The following SNX29 variants were observed in gnomAD, a reference collection of about 807,000 sequenced individuals.
SNX29 encodes the protein sorting nexin-29.
In SNX29, 78 loss-of-function variants were observed where a neutral mutation model predicts 102.1. The observed-to-expected ratio is 0.76, with a 90% CI of 0.64 to 0.92. SNX29 has a LOEUF of 0.92. SNX29 is among the 40% of genes least tolerant of loss of function. SNX29 has a pLI of 0.00. For synonymous variants in SNX29, 580 were observed against 414.5 expected, an observed-to-expected ratio of 1.40 and a Z score of -4.85; for missense variants, 1,280 against 1,061.7, an observed-to-expected ratio of 1.21 and a Z score of -2.86.
intron 14 of SNX29, among the ~76,000 whole-genome samples, 163 bp downstream of exon 14, chr16:12,199,846 A>T (rs925764825): frequency 5.3e-5 from 8 of 152,252 alleles, no homozygotes; most frequent in Non-Finnish European, 1.2e-4. Flanking sequence ...GGAAAACCTG[A>T]TGCGTATCCC....
At chr16:12,051,135 C>T (rs1166416589) in intron 7 of SNX29, among the ~76,000 whole-genome samples, 1 of 152,080 alleles carries the variant, frequency 6.6e-6, no homozygotes, top group African/African-American at 2.4e-5. Flanking sequence ...TTGAGACTAG[C>T]CTGGGCAGCA....
chr16:12,139,675 C>G (rs1034578641), intron 13 of SNX29, among the ~76,000 whole-genome samples: 4 of 152,112 alleles, frequency 2.6e-5, no homozygotes, highest in East Asian at 1.9e-4. Flanking sequence ...GGAAGCCCCT[C>G]AGCCATTCAT....
chr16:12,523,959 T>C (rs955781847), intron 19 of SNX29, among the ~76,000 whole-genome samples: 1 of 152,132 alleles, frequency 6.6e-6, no homozygotes, highest in African/African-American at 2.4e-5. Flanking sequence ...CCATCTTGGC[T>C]CACCACAGCC....
At chr16:12,497,061 G>A (rs1482490085) in intron 19 of SNX29, among the ~76,000 whole-genome samples, 4 of 152,112 alleles carry the variant, frequency 2.6e-5, no homozygotes, top group African/African-American at 9.7e-5. Flanking sequence ...GTAGGATCCG[G>A]GGCCCTGGAC....
chr16:12,368,034 C>G (rs904267263), intron 16 of SNX29, among the ~76,000 whole-genome samples: 1 of 152,248 alleles, frequency 6.6e-6, no homozygotes, highest in African/African-American at 2.4e-5. Context: ...TGATCACATG[C>G]TCCTTGCTGT....
At chr16:12,537,958 C>T (rs930254408) in intron 20 of SNX29, among the ~76,000 whole-genome samples, 3 of 145,736 alleles carry the variant, frequency 2.1e-5, no homozygotes, top group Non-Finnish European at 4.5e-5. Context: ...GCACTCCAGC[C>T]TGGGCAATAG....
chr16:12,045,027 C>G (rs2050030240), intron 5 of SNX29, among the ~76,000 whole-genome samples: 1 of 152,174 alleles, frequency 6.6e-6, no homozygotes, highest in Non-Finnish European at 1.5e-5. Context: ...TTGACCTTAC[C>G]TGGATCACCA....
At position 12,048,622 on chromosome 16, in the gene SNX29, T is replaced by C; in HGVS notation, c.748+2T>C. The C allele has an allele frequency of 6.2e-7, 1 of 1,613,888 alleles. No individual in the cohort carries two copies. The highest frequency in any genetic ancestry group is 8.5e-7 in the Non-Finnish European group (1 of 1,179,846). On this transcript the variant is annotated splice_donor_variant, in intron 7 of 20. Coordinates refer to ENST00000566228, the MANE Select transcript of SNX29 (RefSeq NM_032167.5). LOFTEE classifies it high-confidence loss of function. Reference sequence around the variant, plus strand: ...TCGTGTCCAGGAATGTCAGTGCTGGTGAGTGGGAACGGGTGCTCGAGGCGG... The same window carrying C: ...TCGTGTCCAGGAATGTCAGTGCTGGCGAGTGGGAACGGGTGCTCGAGGCGG...
chr16:12,392,118 C>G (rs1321919308), intron 16 of SNX29, among the ~76,000 whole-genome samples: 2 of 152,190 alleles, frequency 1.3e-5, no homozygotes, highest in Admixed American at 1.3e-4. Flanking sequence ...TAGTAGCTCA[C>G]CTGACACTTT....
At chr16:12,083,235 G>A (rs2051996783) in intron 11 of SNX29, among the ~76,000 whole-genome samples, 1 of 151,430 alleles carries the variant, frequency 6.6e-6, no homozygotes, top group Admixed American at 6.6e-5. Flanking sequence ...GAACCTGGGA[G>A]GCAAAGGCTG....
At chr16:12,143,450 C>T (rs763044985) in intron 13 of SNX29, among the ~76,000 whole-genome samples, 1 of 152,154 alleles carries the variant, frequency 6.6e-6, no homozygotes, top group South Asian at 2.1e-4. Flanking sequence ...GAGGCACCTA[C>T]GCTGCTTAAT....
chr16:12,436,382 G>A (rs887875767), intron 18 of SNX29, among the ~76,000 whole-genome samples: 8 of 152,236 alleles, frequency 5.3e-5, no homozygotes, highest in Non-Finnish European at 1.0e-4. Flanking sequence ...ACAGCTTGGC[G>A]TCAGTGCGAT....
intron 11 of SNX29, among the ~76,000 whole-genome samples, chr16:12,114,727 C>G (rs900376846): frequency 6.6e-5 from 10 of 152,040 alleles, no homozygotes; most frequent in African/African-American, 2.4e-4. Flanking sequence ...GCTGGGATTA[C>G]AGGTGCCCCC....
At chr16:12,029,902 G>A (rs1036264330) in intron 4 of SNX29, among the ~76,000 whole-genome samples, 4 of 151,876 alleles carry the variant, frequency 2.6e-5, no homozygotes, top group African/African-American at 7.2e-5. Flanking sequence ...GGAATTTGAT[G>A]TTCTTTTAAT....
At chr16:12,486,062 C>T (rs910030106) in intron 19 of SNX29, among the ~76,000 whole-genome samples, 4 of 152,208 alleles carry the variant, frequency 2.6e-5, no homozygotes, top group Admixed American at 2.0e-4. Context: ...AAGGCGTCAG[C>T]GAGGCTGCAT....
intron 5 of SNX29, among the ~76,000 whole-genome samples, chr16:12,045,936 A>G (rs1160378113): frequency 6.6e-6 from 1 of 151,956 alleles, no homozygotes; most frequent in Non-Finnish European, 1.5e-5. Context: ...GGCAGGCATT[A>G]TATTAAATGC....
At chr16:12,350,993 C>A (rs2081977050) in intron 15 of SNX29, among the ~76,000 whole-genome samples, 1 of 152,188 alleles carries the variant, frequency 6.6e-6, no homozygotes, top group African/African-American at 2.4e-5. Flanking sequence ...CATCTTCCTA[C>A]CATATCCCAA....
intron 3 of SNX29, among the ~76,000 whole-genome samples, chr16:12,014,121 C>T (rs927934698): frequency 1.3e-5 from 2 of 151,980 alleles, no homozygotes; most frequent in Non-Finnish European, 2.9e-5. Flanking sequence ...TTAAAGCAAG[C>T]TTTTGGTTTG....
intron 18 of SNX29, among the ~76,000 whole-genome samples, chr16:12,469,038 T>C (rs2087211152): frequency 6.6e-6 from 1 of 152,174 alleles, no homozygotes; most frequent in Non-Finnish European, 1.5e-5. Context: ...GCTCTTCAGC[T>C]ACAGTTACGG....
Sources: allele counts gnomAD v4.1 joint callset (sites outside exome capture counted in the v4.1 genomes callset), GRCh38; gene constraint gnomAD v4.1.1; transcripts MANE v1.5; gene names NCBI Gene and HGNC (gene_info 2026-07-23, HGNC 2026-07-21).